ESRRG: variants seen among roughly 807,000 people sequenced by gnomAD.
ESRRG encodes estrogen-related receptor gamma.
ESRRG carries 13 observed loss-of-function variants against 44.0 expected under a neutral mutation model. The observed-to-expected ratio is 0.30, with a 90% CI of 0.19 to 0.47. The LOEUF (loss-of-function observed/expected upper bound fraction) is 0.47. ESRRG is among the 20% of genes least tolerant of loss of function. ESRRG has a pLI of 1.00. For synonymous variants in ESRRG, 215 were observed against 214.6 expected, an observed-to-expected ratio of 1.00 and a Z score of -0.02; for missense variants, 395 against 580.6, an observed-to-expected ratio of 0.68 and a Z score of 3.29.
chr1:216,910,241 T>TACACAC (rs113961991), intron 2 of ESRRG, among the ~76,000 whole-genome samples: 1 of 148,862 alleles, frequency 6.7e-6, no homozygotes, highest in African/African-American at 2.5e-5. Flanking sequence ...CAGGCACACA[T>TACACAC]ACACACACAC....
At chr1:216,738,510 G>C (rs987245848) in intron 2 of ESRRG, among the ~76,000 whole-genome samples, 1 of 152,076 alleles carries the variant, frequency 6.6e-6, no homozygotes, top group East Asian at 1.9e-4. Context: ...GGTATCATAA[G>C]GCAATAAAAT....
chr1:216,779,089 G>T (rs2093722477), intron 2 of ESRRG, among the ~76,000 whole-genome samples: 1 of 128,914 alleles, frequency 7.8e-6, no homozygotes, highest in Non-Finnish European at 1.6e-5. Context: ...GTTATTATGT[G>T]GAGGCTTAAA....
chr1:216,960,178 C>T (rs1350918594), intron 1 of ESRRG, among the ~76,000 whole-genome samples: 3 of 152,022 alleles, frequency 2.0e-5, no homozygotes, highest in Non-Finnish European at 2.9e-5. Context: ...ATAACATTAT[C>T]ATTATGTACA....
chr1:217,066,852 C>G (rs1223942852), intron 1 of ESRRG, among the ~76,000 whole-genome samples: 1 of 152,230 alleles, frequency 6.6e-6, no homozygotes, highest in Non-Finnish European at 1.5e-5. Flanking sequence ...TTGCCCCTAA[C>G]TGAGAACCAC....
In ESRRG at chr1:216,567,981, T is replaced by C. The variant is rs1306254645; in HGVS notation, c.700+7A>G. 2 of 1,589,352 alleles carry C rather than the reference T, an allele frequency of 1.3e-6. No homozygotes were observed. The highest frequency in any genetic ancestry group is 1.3e-5 in the African/African-American group (1 of 74,540). On this transcript the variant is annotated splice_region_variant and intron_variant, in intron 4 of 6. Coordinates refer to ENST00000408911, the MANE Select transcript of ESRRG (RefSeq NM_001438.4). ...TCTGGGAAGCCAGACACATCTGCTGTACTTACATGGCTTTTTGGCTGGCTG... is the reference window on the plus strand; with the variant it reads ...TCTGGGAAGCCAGACACATCTGCTGCACTTACATGGCTTTTTGGCTGGCTG...
chr1:216,795,594 G>A (rs940567438), intron 2 of ESRRG, among the ~76,000 whole-genome samples: 2 of 151,740 alleles, frequency 1.3e-5, no homozygotes, highest in Non-Finnish European at 2.9e-5. Context: ...ACCCGCCTCG[G>A]CCTCCCAAAG....
intron 3 of ESRRG, among the ~76,000 whole-genome samples, chr1:216,593,499 G>T (rs1460204211): frequency 6.6e-6 from 1 of 152,206 alleles, no homozygotes; most frequent in Non-Finnish European, 1.5e-5. Context: ...GCTAACCACG[G>T]TTTAGAAGAT....
intron 2 of ESRRG, among the ~76,000 whole-genome samples, chr1:216,912,893 G>T (rs1339937712): frequency 2.6e-5 from 4 of 151,958 alleles, no homozygotes; most frequent in Admixed American, 2.0e-4. Flanking sequence ...AGGCTGAGGT[G>T]GGTGGATCAC....
chr1:216,919,321 G>T (rs904577249), intron 2 of ESRRG, among the ~76,000 whole-genome samples: 13 of 152,136 alleles, frequency 8.5e-5, no homozygotes, highest in African/African-American at 3.1e-4. Flanking sequence ...TGTCATCCAT[G>T]TGGCACGGAT....
chr1:216,584,248 A>T (rs1043706034), intron 3 of ESRRG, among the ~76,000 whole-genome samples: 18 of 150,768 alleles, frequency 1.2e-4, no homozygotes, highest in Non-Finnish European at 1.6e-4. Flanking sequence ...CTATTTTTTT[A>T]AAAAACTTAC....
intron 2 of ESRRG, among the ~76,000 whole-genome samples, chr1:216,938,503 T>G (rs1478265088): frequency 1.3e-5 from 2 of 152,198 alleles, no homozygotes; most frequent in Non-Finnish European, 2.9e-5. Context: ...TGAAAACATA[T>G]TCTCCCGCTG....
intron 4 of ESRRG, 107 bp from the exon 5 acceptor site, chr1:216,564,487 A>G: frequency 1.2e-6 from 1 of 827,692 alleles, no homozygotes; most frequent in African/African-American, 1.7e-5. Context: ...ATCCTACAAT[A>G]AACGCTAAAT....
chr1:216,530,603 G>A (rs2049084852), intron 5 of ESRRG, among the ~76,000 whole-genome samples: 1 of 152,080 alleles, frequency 6.6e-6, no homozygotes, highest in Admixed American at 6.6e-5. Context: ...GTGAGAACCT[G>A]GGTCATTTCA....
chr1:216,534,709 A>G (rs994590069), intron 5 of ESRRG, among the ~76,000 whole-genome samples: 29 of 152,134 alleles, frequency 1.9e-4, no homozygotes, highest in Admixed American at 7.2e-4. Flanking sequence ...AAGCATTTCC[A>G]TAAGTTGTTT....
At chr1:216,854,353 C>CAAAAAAAAAAAAAAAAAAA (rs57421256) in intron 2 of ESRRG, among the ~76,000 whole-genome samples, 2 of 67,120 alleles carry the variant, frequency 3.0e-5, no homozygotes, top group Non-Finnish European at 5.2e-5. Context: ...AAGACACCAT[C>CAAAAAAAAAAAAAAAAAAA]AAAAAAAAAA....
At chr1:216,586,537 C>T (rs970688677) in intron 3 of ESRRG, among the ~76,000 whole-genome samples, 5 of 150,536 alleles carry the variant, frequency 3.3e-5, no homozygotes, top group Admixed American at 6.6e-5. Flanking sequence ...TCTGTGTCAA[C>T]TTCTTCTCAT....
chr1:217,051,783 G>T (rs778708495), intron 1 of ESRRG, among the ~76,000 whole-genome samples: 5 of 152,060 alleles, frequency 3.3e-5, no homozygotes, highest in Non-Finnish European at 5.9e-5. Flanking sequence ...TTTTTTTAAA[G>T]ACAGGGTCTC....
chr1:216,800,492 G>GAT (rs2094582872), intron 2 of ESRRG, among the ~76,000 whole-genome samples: 1 of 152,082 alleles, frequency 6.6e-6, no homozygotes, highest in African/African-American at 2.4e-5. Context: ...AATAAACAGG[G>GAT]ATATATATAG....
chr1:216,747,957 G>A (rs1448008484), intron 2 of ESRRG, among the ~76,000 whole-genome samples: 1 of 152,072 alleles, frequency 6.6e-6, no homozygotes, highest in Non-Finnish European at 1.5e-5. Flanking sequence ...GAACTAGAAA[G>A]GTGATTGTAT....
Sources: gnomAD v4.1 joint callset for allele counts (sites outside exome capture counted in the v4.1 genomes callset) on GRCh38, gnomAD v4.1.1 for gene constraint, MANE v1.5 for transcripts, NCBI Gene and HGNC (gene_info 2026-07-23, HGNC 2026-07-21) for gene names.